KCNG3: variants seen among roughly 807,000 people sequenced by gnomAD.
KCNG3 encodes the protein voltage-gated potassium channel regulatory subunit KCNG3.
KCNG3 carries 15 observed loss-of-function variants against 29.0 expected under a neutral mutation model. The observed-to-expected ratio is 0.52, with a 90% CI of 0.35 to 0.80. KCNG3 has a LOEUF of 0.80. Ranked by LOEUF, KCNG3 falls within the 30% of genes least tolerant of loss-of-function variation. The pLI is 0.01. For missense variants in KCNG3, 512 were observed against 605.7 expected, an observed-to-expected ratio of 0.85 and a Z score of 1.62; for synonymous variants, 322 against 248.9, an observed-to-expected ratio of 1.29 and a Z score of -2.76.
the KCNG3 span, among the ~76,000 whole-genome samples, chr2:42,420,713 T>C: frequency 1.3e-5 from 2 of 151,732 alleles, no homozygotes; most frequent in African/African-American, 4.8e-5. Flanking sequence ...TCACTTGAAC[T>C]CAGGAGGCGG....
At position 42,493,213 on chromosome 2, in the gene KCNG3, CGTT is replaced by C. The variant is rs1463134763; in HGVS notation, c.286_288del (p.Asn96del). On this transcript the variant is annotated inframe_deletion, in exon 1 of 2. Coordinates refer to ENST00000306078, the MANE Select transcript of KCNG3 (RefSeq NM_133329.6). ...CCCTCCAGGCCCCAGTAGATCATCT[CGTT>C]GTAGAAGGAGAGCTCGCACATCCGC... is the stretch of plus-strand genomic sequence containing the variant. 2 of 1,611,336 alleles carry C rather than the reference CGTT, an allele frequency of 1.2e-6. No individual in the cohort carries two copies.
the KCNG3 span, among the ~76,000 whole-genome samples, chr2:42,415,071 T>C: frequency 3.3e-5 from 5 of 152,236 alleles, no homozygotes; most frequent in African/African-American, 1.2e-4. Context: ...TCAAACACTT[T>C]GTAATTTATG....
At chr2:42,489,358 C>T (rs989410474) in intron 1 of KCNG3, among the ~76,000 whole-genome samples, 22 of 152,060 alleles carry the variant, frequency 1.4e-4, no homozygotes, top group Middle Eastern at 3.2e-3. Flanking sequence ...CACTGCACTC[C>T]GGCCTGGGTG....
At chr2:42,404,149 T>C in the KCNG3 span, among the ~76,000 whole-genome samples, 1 of 152,226 alleles carries the variant, frequency 6.6e-6, no homozygotes, top group South Asian at 2.1e-4. Flanking sequence ...CCTAGTCAGT[T>C]AATTTTATTA....
chr2:42,458,743 A>G (rs1672941268), intron 1 of KCNG3, among the ~76,000 whole-genome samples: 1 of 152,082 alleles, frequency 6.6e-6, no homozygotes, highest in African/African-American at 2.4e-5. Flanking sequence ...GTGAGCTTGT[A>G]GAGACAGACT....
the KCNG3 span, among the ~76,000 whole-genome samples, chr2:42,403,910 T>C: frequency 3.9e-5 from 6 of 152,206 alleles, no homozygotes; most frequent in East Asian, 3.8e-4. Flanking sequence ...GCTGCATTTA[T>C]GTTCTTAAGA....
chr2:42,487,096 G>A (rs889440355), intron 1 of KCNG3, among the ~76,000 whole-genome samples: 2 of 148,202 alleles, frequency 1.3e-5, no homozygotes, highest in Non-Finnish European at 3.0e-5. Flanking sequence ...GGCAGAGGTT[G>A]CAGTGAGCTG....
At position 42,444,847 on chromosome 2, in the gene KCNG3, A is replaced by G. The variant is rs1344689065; in HGVS notation, c.666-268T>C. Among the ~76,000 whole-genome samples the G allele has an allele frequency of 1.3e-5, 2 of 151,906 alleles. No homozygotes were observed. The highest frequency in any genetic ancestry group is 2.9e-5 in the Non-Finnish European group (2 of 67,992). ...AAGGCTGAGGTGGGTGAATCGCTTGAGCCCAGGAGTTCGAGACCAACCTGG... is the reference window on the plus strand; with the variant it reads ...AAGGCTGAGGTGGGTGAATCGCTTGGGCCCAGGAGTTCGAGACCAACCTGG... On this transcript the variant is annotated intron_variant, in intron 1 of 1. Coordinates refer to ENST00000306078, the MANE Select transcript of KCNG3 (RefSeq NM_133329.6). The surrounding 1 kb of genome is among the most constrained non-coding windows in gnomAD (Gnocchi z 5.8).
chr2:42,477,427 AT>A (rs768215543), intron 1 of KCNG3, among the ~76,000 whole-genome samples: 36,721 of 107,688 alleles, frequency 0.34, 6,744 homozygotes, highest in Middle Eastern at 0.55. Context: ...ACACACATAT[AT>A]TTTTTTTTTT....
chr2:42,407,411 T>C, the KCNG3 span, among the ~76,000 whole-genome samples: 1 of 152,156 alleles, frequency 6.6e-6, no homozygotes, highest in African/African-American at 2.4e-5. Context: ...CAAATGTTCC[T>C]CCCACCTTGG....
chr2:42,407,313 C>T, the KCNG3 span, among the ~76,000 whole-genome samples: 4 of 151,880 alleles, frequency 2.6e-5, no homozygotes, highest in African/African-American at 9.7e-5. Context: ...GTAACTTGAA[C>T]TACAGGCGTG....
chr2:42,413,927 G>A, the KCNG3 span, among the ~76,000 whole-genome samples: 15 of 152,166 alleles, frequency 9.9e-5, no homozygotes, highest in East Asian at 5.8e-4. Context: ...GAATGTTGGC[G>A]GGGGACACAG....
At chr2:42,396,383 G>A in the KCNG3 span, among the ~76,000 whole-genome samples, 2 of 152,192 alleles carry the variant, frequency 1.3e-5, no homozygotes, top group African/African-American at 4.8e-5. Flanking sequence ...TAATCTAGGT[G>A]TGGGGAAGTA....
intron 1 of KCNG3, among the ~76,000 whole-genome samples, chr2:42,472,328 A>AT (rs890748064): frequency 6.6e-6 from 1 of 152,218 alleles, no homozygotes; most frequent in African/African-American, 2.4e-5. Flanking sequence ...GACTCCATTG[A>AT]TTATACCATT....
At chr2:42,448,255 A>G (rs1383451464) in intron 1 of KCNG3, among the ~76,000 whole-genome samples, 1 of 152,190 alleles carries the variant, frequency 6.6e-6, no homozygotes, top group Non-Finnish European at 1.5e-5. Context: ...CCAGTTTTGC[A>G]AAATGATTCC....
At chr2:42,437,939 C>CAAAAAAAAAAAAAAAAAAAAAAAAAAAA (rs58250880), downstream of KCNG3, among the ~76,000 whole-genome samples, 6 of 74,848 alleles carry the variant, frequency 8.0e-5, no homozygotes, top group African/African-American at 4.8e-5. Flanking sequence ...ACTCTGTCTC[C>CAAAAAAAAAAAAAAAAAAAAAAAAAAAA]AAAAAAAAAA....
At chr2:42,461,182 C>CAAAAAAAAAAAAAAAAAAAAA (rs34199989) in intron 1 of KCNG3, among the ~76,000 whole-genome samples, 14 of 56,412 alleles carry the variant, frequency 2.5e-4, no homozygotes, top group African/African-American at 6.6e-4. Flanking sequence ...CAAAACAAAA[C>CAAAAAAAAAAAAAAAAAAAAA]AAAAAAAAAA....
chr2:42,420,415 A>C, the KCNG3 span, among the ~76,000 whole-genome samples: 1 of 152,192 alleles, frequency 6.6e-6, no homozygotes, highest in East Asian at 1.9e-4. Context: ...TGCAAAGACT[A>C]TGCAGTATCA....
At chr2:42,390,615 T>C in the KCNG3 span, among the ~76,000 whole-genome samples, 4 of 152,202 alleles carry the variant, frequency 2.6e-5, no homozygotes, top group Non-Finnish European at 5.9e-5. Flanking sequence ...TGCTGTGTTG[T>C]TTATCAGACT....
Sources: allele counts gnomAD v4.1 joint callset (sites outside exome capture counted in the v4.1 genomes callset), GRCh38; gene constraint gnomAD v4.1.1; non-coding constraint Gnocchi (gnomAD v3.1); transcripts MANE v1.5; gene names NCBI Gene and HGNC (gene_info 2026-07-23, HGNC 2026-07-21).